Variants in PRIM2 observed in about 807,000 individuals in gnomAD.
PRIM2 encodes DNA primase large subunit.
Under a neutral mutation model 67.3 loss-of-function variants are expected in PRIM2, and 39 were observed. The ratio of observed to expected loss-of-function variants is 0.58; its 90% CI spans 0.45 to 0.76. PRIM2 has a LOEUF of 0.76. PRIM2 is among the 30% of genes least tolerant of loss of function. The pLI, the probability that PRIM2 is intolerant of heterozygous loss-of-function variation, is 0.00. For synonymous variants in PRIM2, 143 were observed against 198.7 expected (o/e 0.72, Z 2.36); for missense variants, 398 against 598.7 (o/e 0.66, Z 3.50).
the PRIM2 span, among the ~76,000 whole-genome samples, chr6:57,230,836 T>C: frequency 6.6e-6 from 1 of 152,166 alleles, no homozygotes; most frequent in Non-Finnish European, 1.5e-5. Context: ...TATAAGTATC[T>C]TTTACCTCAA....
intron 8 of PRIM2, among the ~76,000 whole-genome samples, chr6:57,514,771 G>T (rs1397369036): frequency 6.6e-6 from 1 of 152,176 alleles, no homozygotes; most frequent in East Asian, 1.9e-4. Context: ...TACTGATTAT[G>T]TACAAAAGAA....
chr6:57,362,882 T>C (rs1347815104), intron 5 of PRIM2, among the ~76,000 whole-genome samples: 1 of 152,136 alleles, frequency 6.6e-6, no homozygotes, highest in African/African-American at 2.4e-5. Context: ...ATAAATAGTT[T>C]GTAATTAAAG....
chr6:57,233,831 A>G, the PRIM2 span, among the ~76,000 whole-genome samples: 1 of 151,896 alleles, frequency 6.6e-6, no homozygotes, highest in South Asian at 2.1e-4. Flanking sequence ...AATTTTTAAA[A>G]TTATTATTTT....
At chr6:57,444,599 G>A (rs1772307763) in intron 7 of PRIM2, among the ~76,000 whole-genome samples, 1 of 151,540 alleles carries the variant, frequency 6.6e-6, no homozygotes, top group Admixed American at 6.6e-5. Context: ...GTATTATAAT[G>A]TCTATGTTAA....
intron 13 of PRIM2, among the ~76,000 whole-genome samples, chr6:57,645,321 T>TAA (rs1336283631): frequency 7.5e-6 from 1 of 132,776 alleles, no homozygotes; most frequent in Non-Finnish European, 1.6e-5. Flanking sequence ...ACAATGTCAT[T>TAA]CACACACACA....
chr6:57,271,060 G>A, the PRIM2 span, among the ~76,000 whole-genome samples: 1 of 152,160 alleles, frequency 6.6e-6, no homozygotes, highest in African/African-American at 2.4e-5. Flanking sequence ...TTGCATCGAT[G>A]TTCATCAGGG....
chr6:57,223,867 T>C, the PRIM2 span, among the ~76,000 whole-genome samples: 1 of 152,172 alleles, frequency 6.6e-6, no homozygotes, highest in Non-Finnish European at 1.5e-5. Context: ...CTTTGTGTGC[T>C]GCTGGTGGGA....
At chr6:57,380,476 A>C (rs1351165841) in intron 6 of PRIM2, among the ~76,000 whole-genome samples, 5 of 151,996 alleles carry the variant, frequency 3.3e-5, no homozygotes, top group Non-Finnish European at 5.9e-5. Flanking sequence ...TGCCCTCCTT[A>C]ACCTACTCAG....
intron 12 of PRIM2, among the ~76,000 whole-genome samples, chr6:57,608,140 T>G (rs1776594644): frequency 6.6e-6 from 1 of 151,958 alleles, no homozygotes; most frequent in Non-Finnish European, 1.5e-5. Context: ...TGTCAAGCAT[T>G]AAAAGGAGGT....
chr6:57,270,799 C>A, the PRIM2 span, among the ~76,000 whole-genome samples: 5 of 152,064 alleles, frequency 3.3e-5, no homozygotes, highest in African/African-American at 1.2e-4. Context: ...TGAGATATGT[C>A]CCATCAATAC....
At chr6:57,457,779 GCTGCACCCACTGTC>G (rs1275080908) in intron 7 of PRIM2, among the ~76,000 whole-genome samples, 1 of 152,162 alleles carries the variant, frequency 6.6e-6, no homozygotes, top group Non-Finnish European at 1.5e-5. Context: ...CATACGGTGT[GCTGCACCCACTGTC>G]CTGCACCCAC....
At chr6:57,406,480 C>T (rs576503866) in intron 7 of PRIM2, among the ~76,000 whole-genome samples, 5 of 152,202 alleles carry the variant, frequency 3.3e-5, no homozygotes, top group South Asian at 2.1e-4. Flanking sequence ...CATCTTTATC[C>T]GAGTGACAGA....
chr6:57,345,265 C>G (rs1340555383), intron 5 of PRIM2, among the ~76,000 whole-genome samples: 1 of 151,966 alleles, frequency 6.6e-6, no homozygotes, highest in Non-Finnish European at 1.5e-5. Context: ...TCAAGGGTTT[C>G]TCTTGCCTCA....
In PRIM2 at chr6:57,433,843, G is replaced by A. The variant is rs557064360; in HGVS notation, c.693+51675G>A. 5.3e-5 allele frequency among the ~76,000 whole-genome samples: 8 copies of A among 151,816 alleles called. No homozygotes were observed. In the South Asian group the frequency reaches 1.0e-3, roughly 20 times the overall value. On this transcript the variant is annotated intron_variant, in intron 7 of 13. Transcript: ENST00000615550. ...TAAAGCTTGAATGAGGCCATTATGTGGCATATCTAGAAAGACTTGGGTTTG... is the reference window on the plus strand; with the variant it reads ...TAAAGCTTGAATGAGGCCATTATGTAGCATATCTAGAAAGACTTGGGTTTG...
At chr6:57,541,033 G>T (rs1406368108) in intron 10 of PRIM2, among the ~76,000 whole-genome samples, 3 of 152,192 alleles carry the variant, frequency 2.0e-5, no homozygotes, top group African/African-American at 7.2e-5. Context: ...CTCATAGGAA[G>T]TGTCACTAGT....
At chr6:57,640,259 G>T (rs1210847612) in intron 13 of PRIM2, among the ~76,000 whole-genome samples, 7 of 152,166 alleles carry the variant, frequency 4.6e-5, no homozygotes, top group African/African-American at 1.7e-4. Context: ...GCTATTTTTT[G>T]ACAAACCCAC....
At chr6:57,225,736 A>T in the PRIM2 span, among the ~76,000 whole-genome samples, 1 of 152,242 alleles carries the variant, frequency 6.6e-6, no homozygotes, top group East Asian at 1.9e-4. Flanking sequence ...AAAGAAAAAC[A>T]GAAAAATCAG....
At chr6:57,251,720 A>G in the PRIM2 span, among the ~76,000 whole-genome samples, 1 of 152,224 alleles carries the variant, frequency 6.6e-6, no homozygotes, top group Non-Finnish European at 1.5e-5. Context: ...TTTTTACTTC[A>G]TATATTAGAT....
intron 7 of PRIM2, among the ~76,000 whole-genome samples, chr6:57,387,524 G>T (rs970711136): frequency 1.3e-5 from 2 of 151,944 alleles, no homozygotes; most frequent in African/African-American, 4.8e-5. Flanking sequence ...AATTCTTAGG[G>T]TCTTTTGATG....
Sources: allele counts gnomAD v4.1 joint callset (sites outside exome capture counted in the v4.1 genomes callset), GRCh38; gene constraint gnomAD v4.1.1; transcripts MANE v1.5; gene names NCBI Gene and HGNC (gene_info 2026-07-23, HGNC 2026-07-21).